TNNT2: variants seen among roughly 807,000 people sequenced by gnomAD.
The protein encoded by TNNT2 is troponin T, cardiac muscle.
TNNT2 carries 34 observed loss-of-function variants against 62.4 expected under a neutral mutation model. That is an observed-to-expected ratio of 0.54 (90% CI 0.41 to 0.72). The LOEUF (loss-of-function observed/expected upper bound fraction) is 0.72, where lower values mean the gene tolerates loss of function less well. Ranked by LOEUF, TNNT2 falls within the 30% of genes least tolerant of loss-of-function variation. The pLI, the probability that TNNT2 is intolerant of heterozygous loss-of-function variation, is 0.00. For synonymous variants in TNNT2, 123 were observed against 127.2 expected (o/e 0.97, Z 0.22); for missense variants, 275 against 381.9 (o/e 0.72, Z 2.33).
intron 8 of TNNT2, 191 bp downstream of exon 8, chr1:201,366,647 A>G: frequency 1.4e-6 from 2 of 1,479,598 alleles, no homozygotes; most frequent in Non-Finnish European, 1.8e-6. Context: ...TGTTGGGTGG[A>G]ATTCAGCCCT....
At chr1:201,368,098 C>A in intron 6 of TNNT2, 64 bp downstream of exon 6, 1 of 1,552,496 alleles carries the variant, frequency 6.4e-7, no homozygotes, top group South Asian at 1.1e-5. Flanking sequence ...CTTACTGCCT[C>A]AGGAATGGCT....
chr1:201,374,366 G>A (rs1253300496), intron 1 of TNNT2: 1 of 152,184 alleles, frequency 6.6e-6, no homozygotes, highest in Non-Finnish European at 1.5e-5. Flanking sequence ...TTAGCTTGCC[G>A]AGGGTGTTTA....
At chr1:201,368,091 A>G (rs1410909839) in intron 6 of TNNT2, 71 bp downstream of exon 6, 17 of 1,507,298 alleles carry the variant, frequency 1.1e-5, no homozygotes, top group Non-Finnish European at 1.6e-5. Flanking sequence ...GGGGTTTCTT[A>G]CTGCCTCAGG....
Position 201,361,337 on chromosome 1 carries a change from T to C in TNNT2, c.752A>G (p.Tyr251Cys), listed in dbSNP as rs200500421. 6 of 1,614,046 alleles carry C rather than the reference T, an allele frequency of 3.7e-6. No individual in the cohort carries two copies. The highest frequency in any genetic ancestry group is 2.2e-5 in the South Asian group (2 of 91,086). The part of the protein sequence containing the change: ...EKAKELWQSI[Y>C]NLEAEKFDLQ... ...GTCGAACTTCTCTGCCTCCAAGTTA[T>C]AGATGCTCTGCCACAGCTCCTTGGC... The change falls in exon 15 of 17, where the codon TAT becomes TGT. Residue 251 changes from tyrosine to cysteine, a missense_variant. Coordinates refer to ENST00000656932, the MANE Select transcript of TNNT2 (RefSeq NM_001276345.2).
At chr1:201,366,362 AG>A (rs1659658035) in intron 8 of TNNT2, 1 of 922,506 alleles carries the variant, frequency 1.1e-6, no homozygotes, top group South Asian at 4.5e-5. Flanking sequence ...CCTATCCCCC[AG>A]CCCCCCCCAG....
chr1:201,376,054 GGA>G (rs1433861909), intron 1 of TNNT2, among the ~76,000 whole-genome samples: 4 of 152,326 alleles, frequency 2.6e-5, no homozygotes, highest in African/African-American at 9.6e-5. Flanking sequence ...CTGCAGAATG[GGA>G]GAGAGTCAAG....
chr1:201,368,339 G>A, intron 5 of TNNT2, 112 bp from the exon 6 acceptor site: 2 of 1,131,064 alleles, frequency 1.8e-6, no homozygotes, highest in Non-Finnish European at 2.6e-6. Context: ...AAGACGTCTA[G>A]GTCCAGATGA....
At chr1:201,367,926 TG>T (rs1659947658) in intron 6 of TNNT2, 120 bp from the exon 7 acceptor site, 1 of 1,284,240 alleles carries the variant, frequency 7.8e-7, no homozygotes, top group Admixed American at 1.7e-5. Flanking sequence ...TGTTGGTTTT[TG>T]GGGTTACAGA....
intron 8 of TNNT2, chr1:201,366,504 A>T (rs1328492026): frequency 8.3e-6 from 10 of 1,208,914 alleles, no homozygotes; most frequent in Non-Finnish European, 1.0e-5. Flanking sequence ...GCTTCCCTTA[A>T]TCCCAAGGTC....
chr1:201,368,188 G>C lies in TNNT2; in HGVS notation c.137C>G (p.Ala46Gly). Residue 46 changes from alanine (A) to glycine (G), a missense_variant, in exon 6 of 17, where the codon GCT becomes GGT. Physicochemically the swap from Ala to Gly is moderately conservative, Grantham distance 60. Transcript: ENST00000656932. ...TTCTGCCCTGGTCTCCTCGGTCTCA[G>C]CCTCTGCTTCAGCATCCTCTTCCGC... ...EAAEEDAEAE[A>G]ETEETRAEED... 1 of 1,614,102 alleles carries C rather than the reference G, an allele frequency of 6.2e-7. No individual in the cohort carries two copies. The highest frequency in any genetic ancestry group is 8.5e-7 in the Non-Finnish European group (1 of 1,180,018).
intron 2 of TNNT2, 135 bp downstream of exon 2, chr1:201,373,079 C>G (rs761377670): frequency 1.5e-5 from 13 of 876,562 alleles, no homozygotes; most frequent in Non-Finnish European, 2.1e-5. Context: ...ATGGCTATAT[C>G]TCTCCTCGGG....
intron 10 of TNNT2, 98 bp from the exon 11 acceptor site, chr1:201,364,473 G>A (rs965591585): frequency 2.3e-6 from 3 of 1,295,928 alleles, no homozygotes; most frequent in South Asian, 2.5e-5. Flanking sequence ...ATTCCTGGGG[G>A]AGGGTTCCTT....
chr1:201,360,913 A>G (rs747998840), intron 15 of TNNT2: 12 of 369,964 alleles, frequency 3.2e-5, no homozygotes, highest in Non-Finnish European at 5.7e-5. Context: ...TGTGGGGAGA[A>G]GCACCTCTCT....
Position 201,359,030 on chromosome 1 carries a change from T to A in TNNT2, c.*180A>T, listed in dbSNP as rs965478451. ...AAATGCCAGTCAGTGTGTGGTGGCTTTTTATTACTGGTGTGGAGTGGGTGT... is the reference window on the plus strand; with the variant it reads ...AAATGCCAGTCAGTGTGTGGTGGCTATTTATTACTGGTGTGGAGTGGGTGT... On this transcript the variant is annotated 3_prime_UTR_variant, in exon 17 of 17. Transcript: ENST00000656932. The A allele has an allele frequency of 6.2e-5, 45 of 721,514 alleles. No homozygotes were observed. In the African/African-American group the frequency reaches 7.7e-4, roughly 12 times the overall value. The allele number at this position is 721,514 out of a possible 1,614,324, so 44.7% of individuals were successfully genotyped here. A position where few individuals can be genotyped will look rare whatever the true frequency, so the allele number is the denominator to read the frequency against.
chr1:201,369,419 G>A, intron 5 of TNNT2: 2 of 477,874 alleles, frequency 4.2e-6, no homozygotes, highest in South Asian at 1.5e-5. Flanking sequence ...TGGCCACCCT[G>A]CTTGGTGCTG....
intron 4 of TNNT2, among the ~76,000 whole-genome samples, chr1:201,371,818 G>C (rs1200966900): frequency 1.3e-5 from 2 of 152,200 alleles, no homozygotes; most frequent in African/African-American, 4.8e-5. Context: ...GCAAATGGCA[G>C]ACAGAAGAGA....
Position 201,363,383 on chromosome 1 carries a change from C to G in TNNT2, c.513G>C (p.Glu171Asp). The change falls in exon 12 of 17, where the codon GAG becomes GAC. Residue 171 changes from glutamate to aspartate, a missense_variant. Glu to Asp is a conservative substitution (Grantham distance 45). Transcript: ENST00000656932. ...RLAEERARRE[E>D]EENRRKAEDE... ...CCTCAGCCTTCCTCCTGTTCTCCTC[C>G]TCCTCTCGTCGAGCCCTCTCTTCCT... The G allele has an allele frequency of 6.2e-7, 1 of 1,614,206 alleles. No homozygotes were observed. Among genetic ancestry groups the G allele is most frequent in the Non-Finnish European group, 8.5e-7 (1 of 1,180,038 alleles).
intron 1 of TNNT2, among the ~76,000 whole-genome samples, chr1:201,376,988 T>C (rs1414407624): frequency 6.6e-6 from 1 of 152,184 alleles, no homozygotes; most frequent in Non-Finnish European, 1.5e-5. Flanking sequence ...TGGGAGGGAA[T>C]GGCACTGAGT....
At position 201,367,778 on chromosome 1, in the gene TNNT2, C is replaced by T. The variant is rs1180516886; in HGVS notation, c.192G>A (p.Glu64=). 2.5e-6 allele frequency: 4 copies of T among 1,614,084 alleles called. No individual in the cohort carries two copies. The highest frequency in any genetic ancestry group is 3.4e-6 in the Non-Finnish European group (4 of 1,180,050). The part of the protein sequence containing the change: ...EEDEEEEEAK[E]AEDGPMEESK... ...CTCTCCTGATATCCTTACCTTCAGC[C>T]TCCTTTGCTTCCTCTTCTTCTTCAT... The change falls in exon 7 of 17, where the codon GAG becomes GAA. Residue 64 remains glutamate (E), a synonymous_variant. Coordinates refer to ENST00000656932, the MANE Select transcript of TNNT2 (RefSeq NM_001276345.2).
Sources: allele counts gnomAD v4.1 joint callset (sites outside exome capture counted in the v4.1 genomes callset), GRCh38; gene constraint gnomAD v4.1.1; transcripts MANE v1.5; gene names NCBI Gene and HGNC (gene_info 2026-07-23, HGNC 2026-07-21).